The following RNF126 variants were observed in gnomAD, a reference collection of about 807,000 sequenced individuals.
The protein encoded by RNF126 is ring finger protein 126, also known as E3 ubiquitin-protein ligase RNF126.
RNF126 carries 20 observed loss-of-function variants against 41.9 expected under a neutral mutation model. That is an observed-to-expected ratio of 0.48 (90% CI 0.34 to 0.69). The LOEUF (loss-of-function observed/expected upper bound fraction) is 0.69, where lower values mean the gene tolerates loss of function less well. Ranked by LOEUF, RNF126 falls within the 30% of genes least tolerant of loss-of-function variation. The pLI is 0.01. For synonymous variants in RNF126, 239 were observed against 202.9 expected, an observed-to-expected ratio of 1.18 and a Z score of -1.51; for missense variants, 433 against 460.6, an observed-to-expected ratio of 0.94 and a Z score of 0.55.
chr19:649,693 C>A lies in RNF126; in HGVS notation c.562G>T (p.Ala188Ser). ...DYAWGANGLD[A>S]IITQLLNQFE... ...CCACGCTGTACCTGTGTGATGATGGCATCCAGGCCGTTGGCCCCCCAGGCG... is the reference window on the plus strand; with the variant it reads ...CCACGCTGTACCTGTGTGATGATGGAATCCAGGCCGTTGGCCCCCCAGGCG... Residue 188 changes from alanine to serine, a missense_variant, in exon 6 of 9, where the codon GCC becomes TCC. Physicochemically the swap from Ala to Ser is moderately conservative, Grantham distance 99. Coordinates refer to ENST00000292363, the MANE Select transcript of RNF126 (RefSeq NM_194460.3). 1 of 1,566,900 alleles carries A rather than the reference C, an allele frequency of 6.4e-7. No individual in the cohort carries two copies. The highest frequency in any genetic ancestry group is 1.8e-5 in the Admixed American group (1 of 54,484).
At position 659,503 on chromosome 19, in the gene RNF126, C is replaced by T. The variant is rs2030704507; in HGVS notation, c.75+3544G>A. Among the ~76,000 whole-genome samples the T allele has an allele frequency of 6.6e-6, 1 of 152,110 alleles. No individual in the cohort carries two copies. Among genetic ancestry groups the T allele is most frequent in the Non-Finnish European group, 1.5e-5 (1 of 68,002 alleles). On this transcript the variant is annotated intron_variant, in intron 1 of 8. Transcript: ENST00000292363. The surrounding 1 kb of genome is among the most constrained non-coding windows in gnomAD (Gnocchi z 4.9). ...AACCACCCTAGGAACCACCCAGAGA[C>T]GGGGAGGTCAGGGGCAAGGACGGCA...
At position 647,745 on chromosome 19, in the gene RNF126, G is replaced by A. The variant is rs1216412063; in HGVS notation, c.*383C>T. The A allele has an allele frequency of 3.9e-5, 12 of 305,944 alleles. No individual in the cohort carries two copies. The Admixed American group carries it at 4.1e-4, about 10-fold the overall frequency. The allele number at this position is 305,944 out of a possible 1,614,324, so 19.0% of individuals were successfully genotyped here. A position where few individuals can be genotyped will look rare whatever the true frequency, so the allele number is the denominator to read the frequency against. ...AGCACTGGGGGAGCCGCTGAACCCC[G>A]TGCTTCAGCGCTGGGGGAGCCGCTG... On this transcript the variant is annotated 3_prime_UTR_variant, in exon 9 of 9. Coordinates refer to ENST00000292363, the MANE Select transcript of RNF126 (RefSeq NM_194460.3).
intron 2 of RNF126, chr19:652,508 C>CAGCCCCAACAG (rs1206550171): frequency 3.3e-6 from 2 of 605,920 alleles, no homozygotes; most frequent in Non-Finnish European, 5.8e-6. Flanking sequence ...CAGACCCCAA[C>CAGCCCCAACAG]AGCCTCCTAA....
At chr19:650,083 C>G in intron 5 of RNF126, 151 bp downstream of exon 5, 1 of 732,920 alleles carries the variant, frequency 1.4e-6, no homozygotes, top group Non-Finnish European at 2.2e-6. Flanking sequence ...GACAGGCACC[C>G]CCTCCTACTC....
In RNF126 at chr19:659,140, C is replaced by T. The variant is rs2030687255; in HGVS notation, c.75+3907G>A. On this transcript the variant is annotated intron_variant, in intron 1 of 8. Transcript: ENST00000292363. The surrounding 1 kb of genome is among the most constrained non-coding windows in gnomAD (Gnocchi z 4.9). ...CGGACGCTTGAGAGGCAGGGGCAGG[C>T]TGTCACTGTCACGGTATCTGGCACA... Among the ~76,000 whole-genome samples, 1 of 152,200 alleles carries T rather than the reference C, an allele frequency of 6.6e-6. No homozygotes were observed. Among genetic ancestry groups the T allele is most frequent in the African/African-American group, 2.4e-5 (1 of 41,442 alleles).
chr19:652,165 A>G lies in RNF126; in HGVS notation c.198+68T>C, dbSNP rs544190496. On this transcript the variant is annotated intron_variant, in intron 3 of 8. Transcript: ENST00000292363. ...GGAGAGCCGGGGAGGCGAGGTGGGGACAGGCTGGCGCTCGGGGCCCCGAGC... is the reference window on the plus strand; with the variant it reads ...GGAGAGCCGGGGAGGCGAGGTGGGGGCAGGCTGGCGCTCGGGGCCCCGAGC... 761 of 1,282,816 alleles carry G rather than the reference A, an allele frequency of 5.9e-4. 2 individuals carry two copies. The African/African-American group carries it at 0.011, about 18-fold the overall frequency. 79.5% of individuals were successfully genotyped at this position (1,282,816 alleles called of 1,614,324 possible).
Position 650,416 on chromosome 19 carries a change from C to T in RNF126, c.444-120G>A, listed in dbSNP as rs961787201. On this transcript the variant is annotated intron_variant, in intron 4 of 8. Coordinates refer to ENST00000292363, the MANE Select transcript of RNF126 (RefSeq NM_194460.3). ...CCAGCATCAGCTTCTAGATTAGCTT[C>T]TATTTATTTATTTTACTATGAGCCA... 6 of 796,684 alleles carry T rather than the reference C, an allele frequency of 7.5e-6. No homozygotes were observed. The Middle Eastern group carries it at 9.4e-4, about 125-fold the overall frequency. 49.4% of individuals were successfully genotyped at this position (796,684 alleles called of 1,614,324 possible).
At position 648,910 on chromosome 19, in the gene RNF126, G is replaced by T; in HGVS notation, c.642C>A (p.Pro214=). Residue 214 remains proline, a synonymous_variant, in exon 7 of 9, where the codon CCC becomes CCA. Transcript: ENST00000292363. ...PADKEKIQAL[P]TVPVTEEHVG... is the part of the protein sequence containing the mutation. ...CGTGCTCCTCAGTGACGGGGACGGT[G>T]GGGAGGGCCTGGATTTTCTCTTTAT... is the stretch of plus-strand genomic sequence containing the variant. The T allele has an allele frequency of 7.0e-7, 1 of 1,429,458 alleles. No individual in the cohort carries two copies. Among genetic ancestry groups the T allele is most frequent in the Admixed American group, 2.7e-5 (1 of 37,110 alleles). The allele number at this position is 1,429,458 out of a possible 1,614,324, so 88.5% of individuals were successfully genotyped here.
At chr19:653,912 C>G (rs1600636290) in intron 1 of RNF126, among the ~76,000 whole-genome samples, 1 of 152,234 alleles carries the variant, frequency 6.6e-6, no homozygotes, top group East Asian at 1.9e-4. Flanking sequence ...GGAGACAAGG[C>G]TCCCACCGTG....
At position 659,070 on chromosome 19, in the gene RNF126, C is replaced by T. The variant is rs548596981; in HGVS notation, c.75+3977G>A. On this transcript the variant is annotated intron_variant, in intron 1 of 8. Coordinates refer to ENST00000292363, the MANE Select transcript of RNF126 (RefSeq NM_194460.3). This position sits in a 1 kb window ranked among gnomAD's most constrained non-coding sequence, Gnocchi z 4.9. ...TGTTCACAGGGTGCTGCAGGGAGCC[C>T]GTTCCGGAGAACCCAGCTGTGCAGA... 5.3e-5 allele frequency among the ~76,000 whole-genome samples: 8 copies of T among 152,306 alleles called. No individual in the cohort carries two copies. Among genetic ancestry groups the T allele is most frequent in the South Asian group, 2.1e-4 (1 of 4,834 alleles).
In RNF126 at chr19:647,528, C is replaced by T. The variant is rs3180572; in HGVS notation, c.*600G>A. 1.9e-5 allele frequency: 3 copies of T among 159,184 alleles called. No individual in the cohort carries two copies. Among genetic ancestry groups the T allele is most frequent in the Admixed American group, 6.1e-5 (1 of 16,428 alleles). 9.9% of individuals were successfully genotyped at this position (159,184 alleles called of 1,614,324 possible). On this transcript the variant is annotated 3_prime_UTR_variant, in exon 9 of 9. Coordinates refer to ENST00000292363, the MANE Select transcript of RNF126 (RefSeq NM_194460.3). ...AGAAGGAAAGCCACAGCACCGGCTT[C>T]TCTTTGTAAGTAGTGTATTTTAAAT...
At position 659,364 on chromosome 19, in the gene RNF126, T is replaced by C. The variant is rs1033829579; in HGVS notation, c.75+3683A>G. On this transcript the variant is annotated intron_variant, in intron 1 of 8. Transcript: ENST00000292363. The surrounding 1 kb of genome is among the most constrained non-coding windows in gnomAD (Gnocchi z 4.9). The stretch of plus-strand genomic sequence containing the variant: ...GTGGCTCCCCGCCCACGCCGGCTCT[T>C]CCCCGCCACCGTGGGCGGCAGGGCC... Among the ~76,000 whole-genome samples the C allele has an allele frequency of 7.9e-5, 12 of 151,834 alleles. No individual in the cohort carries two copies. Among genetic ancestry groups the C allele is most frequent in the Admixed American group, 3.9e-4 (6 of 15,250 alleles).
At chr19:652,100 G>A (rs1304681982) in intron 3 of RNF126, 133 bp downstream of exon 3, 20 of 824,056 alleles carry the variant, frequency 2.4e-5, no homozygotes, top group East Asian at 6.1e-5. Flanking sequence ...TCCCTGGCCC[G>A]GGCCCCTGGA....
chr19:648,785 A>T, intron 7 of RNF126, 97 bp downstream of exon 7: 1 of 788,402 alleles, frequency 1.3e-6, no homozygotes, highest in Non-Finnish European at 2.0e-6. Context: ...CCTGACCAAC[A>T]TGGTGAAACC....
At chr19:654,665 A>G (rs2030484032) in intron 1 of RNF126, among the ~76,000 whole-genome samples, 1 of 136,646 alleles carries the variant, frequency 7.3e-6, no homozygotes, top group African/African-American at 2.8e-5. Context: ...AAAAAAAAAA[A>G]AAAAAAAAAA....
chr19:653,071 C>A (rs762501438), intron 1 of RNF126, among the ~76,000 whole-genome samples, 187 bp from the exon 2 acceptor site: 1 of 152,170 alleles, frequency 6.6e-6, no homozygotes, highest in African/African-American at 2.4e-5. Context: ...GCCAGCCACC[C>A]GCTGACCCTT....
chr19:652,742 G>A, intron 2 of RNF126, 84 bp downstream of exon 2: 4 of 1,306,670 alleles, frequency 3.1e-6, no homozygotes, highest in Non-Finnish European at 3.3e-6. Flanking sequence ...CACTCGGCGG[G>A]GCGGACGCCA....
chr19:650,674 C>T (rs1397021662), intron 4 of RNF126: 1 of 151,778 alleles, frequency 6.6e-6, no homozygotes, highest in African/African-American at 2.5e-5. Flanking sequence ...CTGACTGCAA[C>T]CTCTGCCTCC....
intron 1 of RNF126, among the ~76,000 whole-genome samples, chr19:654,460 T>C (rs1481839731): frequency 6.7e-6 from 1 of 150,300 alleles, no homozygotes; most frequent in Non-Finnish European, 1.5e-5. Context: ...CTGGCCAACA[T>C]GGTGAAACTC....
Sources: allele counts gnomAD v4.1 joint callset (sites outside exome capture counted in the v4.1 genomes callset), GRCh38; gene constraint gnomAD v4.1.1; non-coding constraint Gnocchi (gnomAD v3.1); transcripts MANE v1.5; gene names NCBI Gene and HGNC (gene_info 2026-07-23, HGNC 2026-07-21).